The following AKAP13 variants were observed in gnomAD, a reference collection of about 807,000 sequenced individuals.
AKAP13 encodes the protein A-kinase anchoring protein 13.
Under a neutral mutation model 264.5 loss-of-function variants are expected in AKAP13, and 80 were observed. The observed-to-expected ratio is 0.30, with a 90% CI of 0.25 to 0.36. AKAP13 has a LOEUF of 0.36. Ranked by LOEUF, AKAP13 falls within the 10% of genes least tolerant of loss-of-function variation. The probability of loss-of-function intolerance (pLI) is 1.00; values close to 1 mark genes in which losing one functional copy is unlikely to be tolerated. For missense variants in AKAP13, 3,712 were observed against 3,435.2 expected, an observed-to-expected ratio of 1.08 and a Z score of -2.01; for synonymous variants, 1,380 against 1,250.2, an observed-to-expected ratio of 1.10 and a Z score of -2.19.
intron 18 of AKAP13, 144 bp from the exon 19 acceptor site, chr15:85,710,435 C>T (rs930945442): frequency 4.4e-5 from 28 of 634,406 alleles, no homozygotes; most frequent in African/African-American, 3.3e-4. Flanking sequence ...CAATTGGGGG[C>T]GACCGTGGCT....
At chr15:85,526,714 C>T (rs796964136) in intron 3 of AKAP13, among the ~76,000 whole-genome samples, 9 of 152,308 alleles carry the variant, frequency 5.9e-5, no homozygotes, top group African/African-American at 1.9e-4. Context: ...CATCCCCCAG[C>T]CTGGCCCTGC....
chr15:85,553,084 CTTT>C (rs10693195), intron 5 of AKAP13, among the ~76,000 whole-genome samples: 3 of 120,384 alleles, frequency 2.5e-5, no homozygotes, highest in Non-Finnish European at 1.7e-5. Flanking sequence ...ATCTGTAATT[CTTT>C]TTTTTTTTTT....
chr15:85,738,654 A>C (rs1003071071), intron 33 of AKAP13, among the ~76,000 whole-genome samples: 3 of 151,486 alleles, frequency 2.0e-5, no homozygotes, highest in Admixed American at 1.3e-4. Flanking sequence ...CTGGCTAACA[A>C]GGTGAAACCC....
intron 8 of AKAP13, chr15:85,619,529 A>G (rs1265933297): frequency 2.0e-6 from 2 of 985,234 alleles, no homozygotes; most frequent in African/African-American, 3.5e-5. Flanking sequence ...TTTAAGGAAA[A>G]GTAGATTTTC....
At chr15:85,525,893 A>G (rs2077022644) in intron 3 of AKAP13, among the ~76,000 whole-genome samples, 1 of 152,220 alleles carries the variant, frequency 6.6e-6, no homozygotes, top group East Asian at 1.9e-4. Context: ...TTCATAGTGG[A>G]AGATGGAACA....
Position 85,579,214 on chromosome 15 carries a change from G to C in AKAP13, c.1146G>C (p.Glu382Asp). The C allele has an allele frequency of 6.2e-7, 1 of 1,614,206 alleles. No homozygotes were observed. Among genetic ancestry groups the C allele is most frequent in the South Asian group, 1.1e-5 (1 of 91,088 alleles). The change falls in exon 7 of 37, where the codon GAG becomes GAC. Residue 382 changes from glutamate to aspartate, a missense_variant. By Grantham distance (45) the Glu-to-Asp change is conservative (BLOSUM62 2). This residue lies in a region of AKAP13 where 2,759 missense variants were observed against 2,411.7 expected (regional missense o/e 1.14). Transcript: ENST00000394518. ...AAGGCGTGGAAAGAAAAGGGGAAGAGGTGGAGCCAGCACCTATTGTGGACT... is the reference window on the plus strand; with the variant it reads ...AAGGCGTGGAAAGAAAAGGGGAAGACGTGGAGCCAGCACCTATTGTGGACT... ...KNKGVERKGE[E>D]VEPAPIVDSG...
intron 5 of AKAP13, among the ~76,000 whole-genome samples, chr15:85,568,846 G>GT (rs1596555829): frequency 6.6e-6 from 1 of 152,314 alleles, no homozygotes; most frequent in East Asian, 1.9e-4. Context: ...AAAGAATGAT[G>GT]TCACTATTGC....
chr15:85,585,457 A>G (rs932088840), intron 7 of AKAP13, among the ~76,000 whole-genome samples: 3 of 152,238 alleles, frequency 2.0e-5, no homozygotes, highest in African/African-American at 4.8e-5. Context: ...TTCAAAAGAC[A>G]TTGAATTGGA....
intron 23 of AKAP13, among the ~76,000 whole-genome samples, chr15:85,721,582 G>T (rs2087286494): frequency 6.6e-6 from 1 of 152,152 alleles, no homozygotes; most frequent in African/African-American, 2.4e-5. Context: ...ATGGCTGTTT[G>T]TCATGTCTGT....
chr15:85,714,783 G>A (rs112739247), intron 19 of AKAP13, among the ~76,000 whole-genome samples: 6,724 of 152,084 alleles, frequency 0.044, 495 homozygotes, highest in African/African-American at 0.15. Context: ...TCTGGCCAAC[G>A]TAGTGAAACC....
At position 85,582,053 on chromosome 15, in the gene AKAP13, A is replaced by G. The variant is rs747144034; in HGVS notation, c.3985A>G (p.Arg1329Gly). ...GAGCCTTGCAGGATGTTTTGCTGGA[A>G]GGGAGGAGCCAGAGAAGATCATTTT... Reference protein sequence around the residue: ...TGSLAGCFAGREEPEKIILPV... With the variant: ...TGSLAGCFAGGEEPEKIILPV... The change falls in exon 7 of 37, where the codon AGG becomes GGG. Residue 1329 changes from arginine (R) to glycine (G), a missense_variant. This residue lies in a region of AKAP13 where 2,759 missense variants were observed against 2,411.7 expected (regional missense o/e 1.14). Coordinates refer to ENST00000394518, the MANE Select transcript of AKAP13 (RefSeq NM_007200.5). 2.5e-6 allele frequency: 4 copies of G among 1,613,768 alleles called. No homozygotes were observed.
At chr15:85,496,240 G>A (rs4536419) in intron 2 of AKAP13, among the ~76,000 whole-genome samples, 77,779 of 151,936 alleles carry the variant, frequency 0.51, 20,463 homozygotes, top group Middle Eastern at 0.63. Flanking sequence ...TCAGAAGAGC[G>A]TATCCACTGG....
intron 1 of AKAP13, among the ~76,000 whole-genome samples, chr15:85,417,454 C>A (rs936263775): frequency 2.6e-5 from 4 of 152,042 alleles, no homozygotes; most frequent in African/African-American, 9.7e-5. Context: ...TAAAAATTAA[C>A]CAGAAATTAC....
In AKAP13 at chr15:85,485,761, A is replaced by G; in HGVS notation, c.33+8A>G. 1.9e-6 allele frequency: 3 copies of G among 1,611,996 alleles called. No homozygotes were observed. The highest frequency in any genetic ancestry group is 2.5e-6 in the Non-Finnish European group (3 of 1,178,326). Reference sequence around the variant, plus strand: ...CAGCAAGCTCCCTTATATGTGAGTAAATCATGAGATTTCTTATTATTTTGT... The same window carrying G: ...CAGCAAGCTCCCTTATATGTGAGTAGATCATGAGATTTCTTATTATTTTGT... On this transcript the variant is annotated splice_region_variant and intron_variant, in intron 2 of 36. Coordinates refer to ENST00000394518, the MANE Select transcript of AKAP13 (RefSeq NM_007200.5).
At chr15:85,706,626 G>A (rs2086279512) in intron 17 of AKAP13, among the ~76,000 whole-genome samples, 1 of 152,204 alleles carries the variant, frequency 6.6e-6, no homozygotes, top group African/African-American at 2.4e-5. Flanking sequence ...TGTAATCAAG[G>A]CTGTGTCAGC....
chr15:85,442,447 T>A (rs2073704234), intron 1 of AKAP13, among the ~76,000 whole-genome samples: 3 of 123,728 alleles, frequency 2.4e-5, no homozygotes, highest in Non-Finnish European at 3.4e-5. Context: ...TAATATAAAA[T>A]ATACATATAT....
rs192777037 is a variant in AKAP13, at chr15:85,543,896, G to A, written c.603G>A (p.Ala201=). ...TCAGTATCCACAACCAGGAAGGGGC[G>A]ACGCCTGTGAGCTTGGCCTTGGAGC... ...GALSIHNQEG[A]TPVSLALERG... Residue 201 remains alanine, a synonymous_variant, in exon 5 of 37, where the codon GCG becomes GCA. Transcript: ENST00000394518. 5.4e-5 allele frequency: 87 copies of A among 1,614,054 alleles called. No homozygotes were observed. The Middle Eastern group carries it at 1.3e-3, about 24-fold the overall frequency.
chr15:85,503,439 TTCTTAA>T (rs2076092570), intron 2 of AKAP13, among the ~76,000 whole-genome samples: 1 of 152,200 alleles, frequency 6.6e-6, no homozygotes, highest in Admixed American at 6.5e-5. Context: ...GTACCTTCCC[TTCTTAA>T]TCTTGTAGTT....
intron 8 of AKAP13, among the ~76,000 whole-genome samples, chr15:85,593,257 A>G (rs1433503159): frequency 6.6e-6 from 1 of 152,180 alleles, no homozygotes; most frequent in Non-Finnish European, 1.5e-5. Flanking sequence ...GGTTGCAGTG[A>G]GCCAAGATTG....
Sources: allele counts gnomAD v4.1 joint callset (sites outside exome capture counted in the v4.1 genomes callset), GRCh38; gene constraint gnomAD v4.1.1; regional missense constraint gnomAD v4.1.1; transcripts MANE v1.5; gene names NCBI Gene and HGNC (gene_info 2026-07-23, HGNC 2026-07-21).